Variants in RAF1 observed in about 807,000 individuals in gnomAD.
RAF1 encodes the protein Raf-1 proto-oncogene, serine/threonine kinase.
RAF1 carries 27 observed loss-of-function variants against 81.1 expected under a neutral mutation model. The observed-to-expected ratio is 0.33, with a 90% confidence interval of 0.25 to 0.46. RAF1 has a LOEUF of 0.46. Among genes scored for constraint, RAF1 ranks in the 20% least tolerant of loss-of-function variants. The pLI is 1.00. For synonymous variants in RAF1, 298 were observed against 294.0 expected, an observed-to-expected ratio of 1.01 and a Z score of -0.14; for missense variants, 598 against 826.0, an observed-to-expected ratio of 0.72 and a Z score of 3.38.
intron 1 of RAF1, among the ~76,000 whole-genome samples, chr3:12,662,829 C>G (rs553943532): frequency 1.3e-5 from 2 of 152,220 alleles, no homozygotes; most frequent in African/African-American, 4.8e-5. Flanking sequence ...ACTTGATAAG[C>G]CAATTCTTAT....
chr3:12,617,321 G>T (rs2059399900), intron 2 of RAF1, among the ~76,000 whole-genome samples: 1 of 151,908 alleles, frequency 6.6e-6, no homozygotes, highest in Non-Finnish European at 1.5e-5. Flanking sequence ...CACCATGTTG[G>T]CCAGGCTTGT....
At chr3:12,585,842 G>C (rs1236602590) in intron 14 of RAF1, 43 bp from the exon 14 acceptor site, 4 of 1,425,182 alleles carry the variant, frequency 2.8e-6, no homozygotes, top group South Asian at 2.3e-5. Flanking sequence ...GAATGGTCAG[G>C]TTAATTTTGA....
intron 1 of RAF1, among the ~76,000 whole-genome samples, chr3:12,626,959 G>C (rs1038268836): frequency 1.3e-5 from 2 of 149,652 alleles, no homozygotes; most frequent in African/African-American, 4.9e-5. Flanking sequence ...AGGAGGCAGA[G>C]GTTATAGTCA....
intron 1 of RAF1, among the ~76,000 whole-genome samples, chr3:12,629,570 T>G (rs538360983): frequency 1.3e-5 from 2 of 152,300 alleles, no homozygotes; most frequent in South Asian, 4.1e-4. Flanking sequence ...CCATAAAGGT[T>G]AAGTAAAAAT....
At chr3:12,642,301 A>C (rs2060211918) in intron 1 of RAF1, among the ~76,000 whole-genome samples, 1 of 150,646 alleles carries the variant, frequency 6.6e-6, no homozygotes, top group African/African-American at 2.4e-5. Context: ...ATACAAAAAA[A>C]AAAAACCCCA....
rs774162961 is a variant in RAF1 at position 12,591,849 on chromosome 3, AACC to A, written c.1169-60_1169-58del. On this transcript the variant is annotated intron_variant, in intron 11 of 17. Coordinates refer to ENST00000442415, the MANE Select transcript of RAF1 (RefSeq NM_001354689.3). The stretch of plus-strand genomic sequence containing the variant: ...GTTGAATGATCTCAGTCTTTCAAAT[AACC>A]TAGTTTTGAGGAAGATACAGTGAAT... The A allele has an allele frequency of 1.7e-3, 2,205 of 1,299,166 alleles. 11 individuals carry two copies. The highest frequency in any genetic ancestry group is 7.1e-3 in the Middle Eastern group (39 of 5,500). The allele number at this position is 1,299,166 out of a possible 1,614,324, so 80.5% of individuals were successfully genotyped here. A position where few individuals can be genotyped will look rare whatever the true frequency, so the allele number is the denominator to read the frequency against.
At chr3:12,652,048 A>AAATG (rs1188798361) in intron 1 of RAF1, among the ~76,000 whole-genome samples, 23 of 118,222 alleles carry the variant, frequency 1.9e-4, no homozygotes, top group Non-Finnish European at 1.1e-4. Flanking sequence ...ATAAATAAAT[A>AAATG]AATAAATGAT....
chr3:12,591,658 C>T (rs2125346438), intron 12 of RAF1, 50 bp downstream of exon 11: 1 of 1,502,758 alleles, frequency 6.7e-7, no homozygotes, highest in South Asian at 1.1e-5. Context: ...AGTCCTTGTA[C>T]TCCCCACTCC....
At chr3:12,611,483 T>C (rs1011399668) in intron 3 of RAF1, among the ~76,000 whole-genome samples, 13 of 152,124 alleles carry the variant, frequency 8.5e-5, no homozygotes, top group Non-Finnish European at 1.8e-4. Context: ...TTTCCCAGTG[T>C]TAAAATTACG....
chr3:12,598,368 CG>C (rs1485146131), intron 11 of RAF1, among the ~76,000 whole-genome samples: 3 of 152,196 alleles, frequency 2.0e-5, no homozygotes, highest in Admixed American at 2.0e-4. Flanking sequence ...AATGTTCAGT[CG>C]GGTGCCAATC....
At chr3:12,605,913 G>A (rs965614631) in intron 6 of RAF1, among the ~76,000 whole-genome samples, 6 of 152,140 alleles carry the variant, frequency 3.9e-5, no homozygotes, top group African/African-American at 1.4e-4. Context: ...TACATACTGA[G>A]GAAAGCAGAA....
Position 12,584,925 on chromosome 3 carries a change from C to G in RAF1, c.1785G>C (p.Lys595Asn), listed in dbSNP as rs747395643. 11 of 1,614,198 alleles carry G rather than the reference C, an allele frequency of 6.8e-6. No individual in the cohort carries two copies. Among genetic ancestry groups the G allele is most frequent in the Non-Finnish European group, 8.5e-6 (10 of 1,180,042 alleles). ...GCCTCTTCATTGCTTTGGGGCAGTT[C>G]TTATATAGCTTACTAAGATCTGGGG... is the stretch of plus-strand genomic sequence containing the variant. The change falls in exon 17 of 18, where the codon AAG becomes AAC. Residue 595 changes from lysine (K) to asparagine (N), a missense_variant. Physicochemically the swap from Lys to Asn is moderately conservative, Grantham distance 94 (BLOSUM62 0). Around this residue, in one of 5 missense-constraint regions of RAF1, gnomAD observed 147 missense variants for 196.1 expected, o/e 0.75. Transcript: ENST00000442415.
chr3:12,611,507 T>C (rs928494280), intron 3 of RAF1, among the ~76,000 whole-genome samples: 4 of 152,198 alleles, frequency 2.6e-5, no homozygotes, highest in African/African-American at 9.7e-5. Context: ...ATTACCATCC[T>C]GGCTAACACG....
At position 12,637,347 on chromosome 3, in the gene RAF1, AT is replaced by A. The variant is rs67289280; in HGVS notation, c.-26-18601del. Among the ~76,000 whole-genome samples, 33 of 149,940 alleles carry A rather than the reference AT, an allele frequency of 2.2e-4. No homozygotes were observed. The South Asian group carries it at 5.9e-3, about 27-fold the overall frequency. On this transcript the variant is annotated intron_variant, in intron 1 of 17. Transcript: ENST00000442415. ...CTTTGTAGGTCTTGCTTCTATTAAC[AT>A]TTTTTTTTTGAGACGGAGTTTCGCT...
chr3:12,632,255 C>G (rs1243218310), intron 1 of RAF1, among the ~76,000 whole-genome samples: 1 of 141,726 alleles, frequency 7.1e-6, no homozygotes, highest in Non-Finnish European at 1.5e-5. Flanking sequence ...ACCCGGGAGG[C>G]AGAGGTTGCA....
At chr3:12,592,236 T>C (rs2058538815) in intron 11 of RAF1, among the ~76,000 whole-genome samples, 1 of 152,174 alleles carries the variant, frequency 6.6e-6, no homozygotes, top group South Asian at 2.1e-4. Flanking sequence ...AGTGCATACA[T>C]ATGAATGGCC....
chr3:12,584,153 T>G lies in RAF1; in HGVS notation c.*361A>C, dbSNP rs1161272239. ...ATCCCATGTGTCTCCACATCAGGGC[T>G]GGACTGCCTGCTACCTTACTTCCTC... On this transcript the variant is annotated 3_prime_UTR_variant, in exon 18 of 18. Transcript: ENST00000442415. 3 of 391,662 alleles carry G rather than the reference T, an allele frequency of 7.7e-6. No individual in the cohort carries two copies. The highest frequency in any genetic ancestry group is 1.4e-5 in the Non-Finnish European group (3 of 207,834). The allele number at this position is 391,662 out of a possible 1,614,324, so 24.3% of individuals were successfully genotyped here.
intron 1 of RAF1, among the ~76,000 whole-genome samples, chr3:12,660,847 C>T (rs1406887255): frequency 6.6e-6 from 1 of 151,990 alleles, no homozygotes; most frequent in Non-Finnish European, 1.5e-5. Flanking sequence ...TGGTGGCAGG[C>T]GCCTGTAGTC....
At chr3:12,598,755 C>CAAAAA (rs1559418330) in intron 11 of RAF1, among the ~76,000 whole-genome samples, 2 of 98,930 alleles carry the variant, frequency 2.0e-5, no homozygotes, top group Non-Finnish European at 4.7e-5. Flanking sequence ...AAAAAAAAAC[C>CAAAAA]ACCAAGTACT....
Sources: gnomAD v4.1 joint callset for allele counts (sites outside exome capture counted in the v4.1 genomes callset) on GRCh38, gnomAD v4.1.1 for gene constraint, gnomAD v4.1.1 regional missense constraint, MANE v1.5 for transcripts, NCBI Gene and HGNC (gene_info 2026-07-23, HGNC 2026-07-21) for gene names.